Variants in IRX2 observed in about 807,000 individuals in gnomAD.
IRX2 encodes the protein iroquois homeobox 2, also known as iroquois-class homeodomain protein IRX-2.
Under a neutral mutation model 42.9 loss-of-function variants are expected in IRX2, and 26 were observed. The ratio of observed to expected loss-of-function variants is 0.61; its 90% CI spans 0.44 to 0.84. The LOEUF is 0.84. Ranked by LOEUF, IRX2 falls within the 40% of genes least tolerant of loss-of-function variation. IRX2 has a pLI of 0.00. For missense variants in IRX2, 782 were observed against 713.9 expected (o/e 1.10, Z -1.09); for synonymous variants, 424 against 353.9 (o/e 1.20, Z -2.22).
downstream of IRX2, among the ~76,000 whole-genome samples, chr5:2,744,332 T>C (rs556718632): frequency 2.0e-5 from 3 of 152,324 alleles, no homozygotes; most frequent in South Asian, 6.2e-4. Flanking sequence ...TAAATATTGT[T>C]AACTTTCATA....
At position 2,748,910 on chromosome 5, in the gene IRX2, G is replaced by C. The variant is rs1737802582; in HGVS notation, c.798C>G (p.Asp266Glu). 6 of 1,596,254 alleles carry C rather than the reference G, an allele frequency of 3.8e-6. No homozygotes were observed. Among genetic ancestry groups the C allele is most frequent in the Admixed American group, 1.7e-5 (1 of 59,884 alleles). ...CKDKYDDLED[D>E]EDDDEEGERG... is the part of the protein sequence containing the mutation. ...GCTCGCCCTCCTCGTCGTCGTCCTC[G>C]TCGTCCTCCAGGTCGTCATACTTGT... Residue 266 changes from aspartate (D) to glutamate (E), a missense_variant, in exon 3 of 4, where the codon GAC becomes GAG. Physicochemically the swap from Asp to Glu is conservative, Grantham distance 45 (BLOSUM62 2). Around this residue, in one of 3 missense-constraint regions of IRX2, gnomAD observed 520 missense variants for 437.8 expected, o/e 1.19. Transcript: ENST00000302057.
downstream of IRX2, among the ~76,000 whole-genome samples, chr5:2,740,873 C>T (rs2111434278): frequency 6.6e-6 from 1 of 152,278 alleles, no homozygotes. Flanking sequence ...AGGAGCCTGT[C>T]TTGGAGCTGA....
rs753416321 is a variant in IRX2, at chr5:2,749,024, C to T, written c.684G>A (p.Thr228=). ...EGISLHVDSL[T]DHSCSAESDG... is the part of the protein sequence containing the mutation. Reference sequence around the variant, plus strand: ...CCGACTCGGCCGAGCACGAGTGATCCGTGAGCGAGTCCACGTGCAGGCTGA... The same window carrying T: ...CCGACTCGGCCGAGCACGAGTGATCTGTGAGCGAGTCCACGTGCAGGCTGA... The change falls in exon 3 of 4, where the codon ACG becomes ACA. Residue 228 remains threonine, a synonymous_variant. Coordinates refer to ENST00000302057, the MANE Select transcript of IRX2 (RefSeq NM_033267.5). 5 of 1,597,132 alleles carry T rather than the reference C, an allele frequency of 3.1e-6. No homozygotes were observed. Among genetic ancestry groups the T allele is most frequent in the Non-Finnish European group, 4.2e-6 (5 of 1,179,242 alleles).
rs759628648 is a variant in IRX2, at chr5:2,748,611, G to T, written c.1097C>A (p.Pro366Gln). 7.2e-6 allele frequency: 11 copies of T among 1,528,816 alleles called. No homozygotes were observed. In the African/African-American group the frequency reaches 1.6e-4, roughly 22 times the overall value. 94.7% of individuals were successfully genotyped at this position (1,528,816 alleles called of 1,614,324 possible). A position where few individuals can be genotyped will look rare whatever the true frequency, so the allele number is the denominator to read the frequency against. The change falls in exon 3 of 4, where the codon CCG becomes CAG. Residue 366 changes from proline (P) to glutamine (Q), a missense_variant. By Grantham distance (76) the Pro-to-Gln change is moderately conservative. This residue lies in a region of IRX2 where 520 missense variants were observed against 437.8 expected (regional missense o/e 1.19). Coordinates refer to ENST00000302057, the MANE Select transcript of IRX2 (RefSeq NM_033267.5). ...GGCAGGGTAGGGCGAGCCTCCTGGC[G>T]GTGCCCCGGTTGAGGCCGGCGCGGC... is the stretch of plus-strand genomic sequence containing the variant. ...AAAAPASTGA[P>Q]PGGSPYPASP...
chr5:2,751,085 C>G lies in IRX2; in HGVS notation c.249+80G>C. The stretch of plus-strand genomic sequence containing the variant: ...CACATTCCCGGCGGCCCCCGCCCGC[C>G]GAACCCGAGCCCCGCTCCGCCTGAG... On this transcript the variant is annotated intron_variant, in intron 1 of 3. Coordinates refer to ENST00000302057, the MANE Select transcript of IRX2 (RefSeq NM_033267.5). This position sits in a 1 kb window ranked among gnomAD's most constrained non-coding sequence, Gnocchi z 4.0. The G allele has an allele frequency of 6.7e-6, 8 of 1,188,310 alleles. No individual in the cohort carries two copies. Among genetic ancestry groups the G allele is most frequent in the Non-Finnish European group, 8.3e-6 (8 of 959,764 alleles). 73.6% of individuals were successfully genotyped at this position (1,188,310 alleles called of 1,614,324 possible). A position where few individuals can be genotyped will look rare whatever the true frequency, so the allele number is the denominator to read the frequency against.
chr5:2,751,372 C>A lies in IRX2; in HGVS notation c.42G>T (p.Ser14=). 1 of 1,425,754 alleles carries A rather than the reference C, an allele frequency of 7.0e-7. No individual in the cohort carries two copies. The highest frequency in any genetic ancestry group is 9.2e-7 in the Non-Finnish European group (1 of 1,089,252). The allele number at this position is 1,425,754 out of a possible 1,614,324, so 88.3% of individuals were successfully genotyped here. ...PQGYLYQAPG[S]LALYSCPAYG... ...AGGCCGGGCACGAGTAGAGCGCCAG[C>A]GAGCCGGGCGCCTGGTACAGGTAGC... Residue 14 remains serine (S), a synonymous_variant, in exon 1 of 4, where the codon TCG becomes TCT. Transcript: ENST00000302057. This position sits in a 1 kb window ranked among gnomAD's most constrained non-coding sequence, Gnocchi z 4.0.
chr5:2,746,822 C>A lies in IRX2; in HGVS notation c.*742G>T, dbSNP rs575629103. The A allele has an allele frequency of 7.0e-6, 1 of 143,262 alleles. No homozygotes were observed. Among genetic ancestry groups the A allele is most frequent in the East Asian group, 2.2e-4 (1 of 4,524 alleles). 8.9% of individuals were successfully genotyped at this position (143,262 alleles called of 1,614,324 possible). A position where few individuals can be genotyped will look rare whatever the true frequency, so the allele number is the denominator to read the frequency against. On this transcript the variant is annotated 3_prime_UTR_variant, in exon 4 of 4. Transcript: ENST00000302057. ...AGGAAAAAACCAAATCATCCCCAATCTTTCAGTTCCACAACAACACCATTA... is the reference window on the plus strand; with the variant it reads ...AGGAAAAAACCAAATCATCCCCAATATTTCAGTTCCACAACAACACCATTA...
rs113885690 is a variant in IRX2, at chr5:2,749,219, G to A, written c.655+163C>T. ...CTGACCTCCCCGGGAAGGGCCCGAG[G>A]AATCGCTCGCTCAAATCCCGGCGAC... On this transcript the variant is annotated intron_variant, in intron 2 of 3. Transcript: ENST00000302057. Among the ~76,000 whole-genome samples the A allele has an allele frequency of 1.8e-3, 269 of 152,352 alleles. 3 individuals carry two copies. The highest frequency in any genetic ancestry group is 6.3e-3 in the African/African-American group (262 of 41,590).
intron 2 of IRX2, 44 bp from the exon 3 acceptor site, chr5:2,749,096 A>G: frequency 6.3e-7 from 1 of 1,577,338 alleles, no homozygotes; most frequent in Non-Finnish European, 8.6e-7. Flanking sequence ...GGGACAGCGC[A>G]GGCACCTGGA....
chr5:2,750,693 G>A (rs1737918680), intron 1 of IRX2, among the ~76,000 whole-genome samples: 1 of 152,242 alleles, frequency 6.6e-6, no homozygotes, highest in Admixed American at 6.5e-5. Flanking sequence ...CTAACTCGGT[G>A]ACCCCCACCG....
the IRX2 span, among the ~76,000 whole-genome samples, chr5:2,740,469 G>A: frequency 6.6e-6 from 1 of 152,214 alleles, no homozygotes; most frequent in Non-Finnish European, 1.5e-5. Context: ...CGGCAGCGCC[G>A]CGCTTGGGGA....
chr5:2,749,852 G>A (rs1014515620), intron 1 of IRX2, 65 bp from the exon 2 acceptor site: 74 of 1,487,334 alleles, frequency 5.0e-5, no homozygotes, highest in Non-Finnish European at 6.4e-5. Flanking sequence ...GCCAGAGGAT[G>A]CCACCCCTCC....
the IRX2 span, among the ~76,000 whole-genome samples, chr5:2,739,342 C>A: frequency 6.6e-6 from 1 of 152,152 alleles, no homozygotes; most frequent in South Asian, 2.1e-4. Flanking sequence ...GCCGGGGGTA[C>A]GGCCTGGGGT....
chr5:2,740,090 G>A, the IRX2 span, among the ~76,000 whole-genome samples: 1,706 of 152,164 alleles, frequency 0.011, 13 homozygotes, highest in Non-Finnish European at 0.017. Flanking sequence ...GCCCGACTGG[G>A]TTTCCCCTCC....
chr5:2,751,444 G>A lies in IRX2; in HGVS notation c.-31C>T. On this transcript the variant is annotated 5_prime_UTR_variant, in exon 1 of 4. Transcript: ENST00000302057. This position sits in a 1 kb window ranked among gnomAD's most constrained non-coding sequence, Gnocchi z 4.0. ...GCGCGGGGCGCGGGGCCCGCGTCACGCCGAGCAGCGGGCAGGGCGCGCGGC... is the reference window on the plus strand; with the variant it reads ...GCGCGGGGCGCGGGGCCCGCGTCACACCGAGCAGCGGGCAGGGCGCGCGGC... 1.7e-6 allele frequency: 2 copies of A among 1,210,838 alleles called. No individual in the cohort carries two copies. Among genetic ancestry groups the A allele is most frequent in the Non-Finnish European group, 2.1e-6 (2 of 974,118 alleles). 75.0% of individuals were successfully genotyped at this position (1,210,838 alleles called of 1,614,324 possible).
chr5:2,751,428 GCGGGGCCCGCGTCA>G lies in IRX2; in HGVS notation c.-29_-16del, dbSNP rs1560953074. 1 of 1,266,608 alleles carries G rather than the reference GCGGGGCCCGCGTCA, an allele frequency of 7.9e-7. No homozygotes were observed. The highest frequency in any genetic ancestry group is 1.6e-5 in the African/African-American group (1 of 62,462). The allele number at this position is 1,266,608 out of a possible 1,614,324, so 78.5% of individuals were successfully genotyped here. ...GGGTAGGACATGGTGGGCGCGGGGC[GCGGGGCCCGCGTCA>G]CGCCGAGCAGCGGGCAGGGCGCGCG... On this transcript the variant is annotated 5_prime_UTR_variant, in exon 1 of 4. The change abolishes the stop of an existing upstream ORF in the 5' untranslated region. Transcript: ENST00000302057. The surrounding 1 kb of genome is among the most constrained non-coding windows in gnomAD (Gnocchi z 4.0).
chr5:2,741,759 G>A (rs561456361), downstream of IRX2, among the ~76,000 whole-genome samples: 3 of 152,194 alleles, frequency 2.0e-5, no homozygotes, highest in Non-Finnish European at 4.4e-5. Context: ...TATCGAGTCC[G>A]TATTGGAGGC....
intron 3 of IRX2, among the ~76,000 whole-genome samples, chr5:2,748,008 C>A (rs1737740677): frequency 6.6e-6 from 1 of 152,204 alleles, no homozygotes; most frequent in African/African-American, 2.4e-5. Flanking sequence ...GACTCCTTAA[C>A]AAGACACCGA....
In IRX2 at chr5:2,746,447, T is replaced by C. The variant is rs1737667204; in HGVS notation, c.*1117A>G. On this transcript the variant is annotated 3_prime_UTR_variant, in exon 4 of 4. Transcript: ENST00000302057. Reference sequence around the variant, plus strand: ...TGTGTACATCTTTTACAAATAAACTTTACAGTAAATCCTATCACACCTATA... The same window carrying C: ...TGTGTACATCTTTTACAAATAAACTCTACAGTAAATCCTATCACACCTATA... 2 of 152,238 alleles carry C rather than the reference T, an allele frequency of 1.3e-5. No homozygotes were observed. Among genetic ancestry groups the C allele is most frequent in the Admixed American group, 1.3e-4 (2 of 15,284 alleles). 9.4% of individuals were successfully genotyped at this position (152,238 alleles called of 1,614,324 possible).
Sources: allele counts gnomAD v4.1 joint callset (sites outside exome capture counted in the v4.1 genomes callset), GRCh38; gene constraint gnomAD v4.1.1; regional missense constraint gnomAD v4.1.1; non-coding constraint Gnocchi (gnomAD v3.1); transcripts MANE v1.5; gene names NCBI Gene and HGNC (gene_info 2026-07-23, HGNC 2026-07-21).